CHCHD3: variants seen among roughly 807,000 people sequenced by gnomAD.
CHCHD3 encodes the protein MICOS complex subunit MIC19.
CHCHD3 carries 20 observed loss-of-function variants against 38.2 expected under a neutral mutation model. The ratio of observed to expected loss-of-function variants is 0.52; its 90% CI spans 0.37 to 0.76. The LOEUF (loss-of-function observed/expected upper bound fraction) is 0.76, where lower values mean the gene tolerates loss of function less well. Ranked by LOEUF, CHCHD3 falls within the 30% of genes least tolerant of loss-of-function variation. The pLI, the probability that CHCHD3 is intolerant of heterozygous loss-of-function variation, is 0.00. For synonymous variants in CHCHD3, 82 were observed against 100.0 expected, an observed-to-expected ratio of 0.82 and a Z score of 1.07; for missense variants, 245 against 279.2, an observed-to-expected ratio of 0.88 and a Z score of 0.87.
At chr7:132,917,747 T>C (rs537573369) in intron 4 of CHCHD3, among the ~76,000 whole-genome samples, 1 of 150,658 alleles carries the variant, frequency 6.6e-6, no homozygotes, top group African/African-American at 2.4e-5. Flanking sequence ...TAGTCCCAGT[T>C]ACTCGGGAGG....
At chr7:132,804,785 C>T (rs1190015762) in intron 6 of CHCHD3, among the ~76,000 whole-genome samples, 3 of 152,142 alleles carry the variant, frequency 2.0e-5, no homozygotes, top group Non-Finnish European at 4.4e-5. Context: ...GTCTGGCTCC[C>T]TTAACTGAAA....
chr7:132,826,788 C>G (rs1302731507), intron 6 of CHCHD3, among the ~76,000 whole-genome samples: 2 of 152,190 alleles, frequency 1.3e-5, no homozygotes, highest in Non-Finnish European at 1.5e-5. Context: ...AGTACCAGTG[C>G]TACTGTACAA....
At chr7:132,948,204 A>C (rs1339597254) in intron 4 of CHCHD3, among the ~76,000 whole-genome samples, 1 of 151,988 alleles carries the variant, frequency 6.6e-6, no homozygotes. Flanking sequence ...CCCATCTCTA[A>C]CTCAAAATGT....
intron 4 of CHCHD3, among the ~76,000 whole-genome samples, chr7:132,905,279 T>C (rs912826822): frequency 2.6e-5 from 4 of 151,838 alleles, no homozygotes; most frequent in African/African-American, 9.7e-5. Context: ...TAAAAAGGAA[T>C]GAGATCATGT....
rs191067444 is a variant in CHCHD3 at position 133,007,585 on chromosome 7, C to T, written c.251+16961G>A. Among the ~76,000 whole-genome samples the T allele has an allele frequency of 1.6e-3, 245 of 152,236 alleles. 2 individuals carry two copies. Among genetic ancestry groups the T allele is most frequent in the African/African-American group, 5.6e-3 (232 of 41,540 alleles). ...GCAGTATCATCACTACGGCTGCTCA[C>T]TCCAGGTCCCTCCAACATTTAAAGA... On this transcript the variant is annotated intron_variant, in intron 3 of 7. Transcript: ENST00000262570.
At chr7:132,941,402 C>CTTCA (rs1196821070) in intron 4 of CHCHD3, among the ~76,000 whole-genome samples, 2 of 152,138 alleles carry the variant, frequency 1.3e-5, no homozygotes, top group Non-Finnish European at 2.9e-5. Flanking sequence ...CGGACCCACA[C>CTTCA]TTCAGCTCAC....
intron 5 of CHCHD3, among the ~76,000 whole-genome samples, 188 bp downstream of exon 5, chr7:132,885,474 T>C (rs951783001): frequency 2.6e-5 from 4 of 152,062 alleles, no homozygotes; most frequent in African/African-American, 9.7e-5. Context: ...AACGCAACCA[T>C]TCCAAAGTGA....
chr7:132,967,038 CA>C (rs1463687123), intron 4 of CHCHD3, among the ~76,000 whole-genome samples: 8 of 152,158 alleles, frequency 5.3e-5, no homozygotes, highest in Admixed American at 5.2e-4. Flanking sequence ...CAGTGCTCTC[CA>C]TATCTCACCT....
intron 4 of CHCHD3, among the ~76,000 whole-genome samples, chr7:132,927,689 G>T (rs1562910813): frequency 6.6e-6 from 1 of 152,124 alleles, no homozygotes; most frequent in East Asian, 1.9e-4. Context: ...GCCTATTCTT[G>T]GAACTAGATG....
In CHCHD3 at chr7:132,993,682, TG is replaced by T. The variant is rs564080768; in HGVS notation, c.252-18397del. ...GTGGTATGCCAGCAGCTGATGAGTT[TG>T]CAGCCCCCTCTTAAGAAAACCTGGA... On this transcript the variant is annotated intron_variant, in intron 3 of 7. Coordinates refer to ENST00000262570, the MANE Select transcript of CHCHD3 (RefSeq NM_017812.4). 8.8e-4 allele frequency among the ~76,000 whole-genome samples: 134 copies of T among 152,320 alleles called. No homozygotes were observed. In the Middle Eastern group the frequency reaches 0.027, roughly 31 times the overall value.
At chr7:133,029,178 T>C (rs10215633) in intron 2 of CHCHD3, among the ~76,000 whole-genome samples, 362 of 152,292 alleles carry the variant, frequency 2.4e-3, no homozygotes, top group Middle Eastern at 6.8e-3. Context: ...AATTGACAAA[T>C]AGAATCATAT....
At chr7:132,888,395 G>A (rs1250485358) in intron 4 of CHCHD3, among the ~76,000 whole-genome samples, 1 of 151,728 alleles carries the variant, frequency 6.6e-6, no homozygotes, top group African/African-American at 2.4e-5. Context: ...ACATGCACTT[G>A]TCAAAACTCA....
chr7:133,006,740 A>G lies in CHCHD3; in HGVS notation c.251+17806T>C, dbSNP rs558409124. On this transcript the variant is annotated intron_variant, in intron 3 of 7. Coordinates refer to ENST00000262570, the MANE Select transcript of CHCHD3 (RefSeq NM_017812.4). The stretch of plus-strand genomic sequence containing the variant: ...CATTTCTAGGGATTTACCCTAAGGA[A>G]ATAACACTGGATATGTGTAAATTTA... 2.6e-5 allele frequency among the ~76,000 whole-genome samples: 4 copies of G among 152,290 alleles called. No homozygotes were observed. The South Asian group carries it at 8.3e-4, about 32-fold the overall frequency.
At chr7:133,030,693 GTA>G (rs1470406615) in intron 2 of CHCHD3, among the ~76,000 whole-genome samples, 22 of 152,060 alleles carry the variant, frequency 1.4e-4, no homozygotes, top group African/African-American at 5.3e-4. Context: ...TTCCATACTT[GTA>G]TAGTCTGTAC....
chr7:132,932,112 A>G (rs1322411199), intron 4 of CHCHD3, among the ~76,000 whole-genome samples: 1 of 152,200 alleles, frequency 6.6e-6, no homozygotes, highest in African/African-American at 2.4e-5. Flanking sequence ...TTCAAAAGCA[A>G]TAAACCTGTT....
At chr7:133,034,848 G>C (rs1813614775) in intron 2 of CHCHD3, 1 of 1,610,366 alleles carries the variant, frequency 6.2e-7, no homozygotes, top group African/African-American at 1.3e-5. Flanking sequence ...GATGACACTG[G>C]CGAAGGCATT....
chr7:133,030,041 T>A (rs1813457207), intron 2 of CHCHD3, among the ~76,000 whole-genome samples: 2 of 149,892 alleles, frequency 1.3e-5, no homozygotes, highest in South Asian at 4.2e-4. Context: ...AACTTTTGGG[T>A]CAAGTCCAAG....
chr7:133,018,662 A>G (rs1333058803), intron 3 of CHCHD3, among the ~76,000 whole-genome samples: 1 of 152,198 alleles, frequency 6.6e-6, no homozygotes, highest in Non-Finnish European at 1.5e-5. Context: ...ACAAGTATCT[A>G]TAGTCTCTGG....
intron 3 of CHCHD3, among the ~76,000 whole-genome samples, chr7:133,007,531 G>C (rs1283407525): frequency 6.6e-6 from 1 of 152,076 alleles, no homozygotes; most frequent in Non-Finnish European, 1.5e-5. Flanking sequence ...GGAATGGCTG[G>C]CCCCGCACCA....
Sources: gnomAD v4.1 joint callset for allele counts (sites outside exome capture counted in the v4.1 genomes callset) on GRCh38, gnomAD v4.1.1 for gene constraint, MANE v1.5 for transcripts, NCBI Gene and HGNC (gene_info 2026-07-23, HGNC 2026-07-21) for gene names.